LRRC63: variants seen among roughly 807,000 people sequenced by gnomAD.
LRRC63 encodes the protein leucine-rich repeat-containing protein 63.
Under a neutral mutation model 49.5 loss-of-function variants are expected in LRRC63, and 40 were observed. That is an observed-to-expected ratio of 0.81 (90% CI 0.63 to 1.05). LRRC63 has a LOEUF of 1.05. LRRC63 is among the 50% of genes least tolerant of loss of function. The pLI is 0.00. For synonymous variants in LRRC63, 191 were observed against 221.1 expected (o/e 0.86, Z 1.21); for missense variants, 636 against 663.1 (o/e 0.96, Z 0.45).
chr13:46,227,851 C>T (rs1359557710), exon 3 of LRRC63: 1 of 1,550,240 alleles, frequency 6.5e-7, no homozygotes, highest in East Asian at 2.4e-5. Flanking sequence ...GATGTTTATA[C>T]TGAAAAAAGG....
chr13:46,231,842 G>T (rs1188507314), intron 4 of LRRC63, among the ~76,000 whole-genome samples: 2 of 115,790 alleles, frequency 1.7e-5, no homozygotes, highest in Non-Finnish European at 3.4e-5. Flanking sequence ...TTGAGACAGA[G>T]TCTCGCTCTG....
chr13:46,255,229 CAG>C (rs1033001663), intron 7 of LRRC63, among the ~76,000 whole-genome samples: 9 of 152,058 alleles, frequency 5.9e-5, no homozygotes, highest in African/African-American at 2.2e-4. Context: ...TTTACAGACA[CAG>C]AAAGTGGAAT....
intron 7 of LRRC63, among the ~76,000 whole-genome samples, chr13:46,257,985 TC>T (rs1191033323): frequency 1.3e-5 from 2 of 152,174 alleles, no homozygotes; most frequent in Non-Finnish European, 2.9e-5. Context: ...TGGAGTACTT[TC>T]ACTGTTATCT....
intron 1 of LRRC63, among the ~76,000 whole-genome samples, chr13:46,212,646 A>C (rs1245192663): frequency 2.6e-5 from 4 of 152,186 alleles, no homozygotes; most frequent in Non-Finnish European, 5.9e-5. Context: ...GAGAGAGAGA[A>C]AAAAAATGTC....
intron 8 of LRRC63, among the ~76,000 whole-genome samples, 200 bp downstream of exon 8, chr13:46,262,192 A>AC (rs57726110): frequency 0.37 from 56,994 of 152,010 alleles, 10,859 homozygotes; most frequent in Middle Eastern, 0.45. Flanking sequence ...TATTTAAAGA[A>AC]AGTGCAGATG....
chr13:46,267,048 G>GCACAC, intron 9 of LRRC63, 76 bp downstream of exon 9: 1 of 1,348,554 alleles, frequency 7.4e-7, no homozygotes, highest in Non-Finnish European at 9.8e-7. Flanking sequence ...AGGCTTAGAT[G>GCACAC]ACAGTGTCAC....
intron 4 of LRRC63, among the ~76,000 whole-genome samples, 197 bp from the exon 5 acceptor site, chr13:46,233,995 A>G (rs2046835731): frequency 6.6e-6 from 1 of 152,222 alleles, no homozygotes; most frequent in African/African-American, 2.4e-5. Context: ...AAATTACAAA[A>G]CAAAACAACA....
At chr13:46,252,256 A>G (rs75373428) in intron 7 of LRRC63, among the ~76,000 whole-genome samples, 190 of 152,144 alleles carry the variant, frequency 1.2e-3, no homozygotes, top group African/African-American at 4.2e-3. Context: ...GTTGTCAGAA[A>G]TCTACCTTGC....
chr13:46,218,294 G>T (rs1361283149), intron 2 of LRRC63, among the ~76,000 whole-genome samples: 1 of 151,822 alleles, frequency 6.6e-6, no homozygotes, highest in Non-Finnish European at 1.5e-5. Context: ...CCTGTATTGG[G>T]TATATTTAGG....
intron 7 of LRRC63, among the ~76,000 whole-genome samples, chr13:46,258,062 C>T (rs9595450): frequency 0.073 from 11,034 of 151,104 alleles, 1,327 homozygotes; most frequent in African/African-American, 0.25. Flanking sequence ...AAAAGCAAGA[C>T]ACTTTCAGAG....
At chr13:46,215,330 T>C (rs560239668) in intron 2 of LRRC63, among the ~76,000 whole-genome samples, 1 of 152,340 alleles carries the variant, frequency 6.6e-6, no homozygotes, top group East Asian at 1.9e-4. Flanking sequence ...TGGTATGTCA[T>C]TGTGGTTTTG....
intron 8 of LRRC63, among the ~76,000 whole-genome samples, chr13:46,264,229 C>T (rs539391638): frequency 1.3e-3 from 193 of 152,282 alleles, no homozygotes; most frequent in Non-Finnish European, 1.9e-3. Context: ...TTTTCTTAAG[C>T]TGTCTTTCCC....
At chr13:46,225,424 A>T (rs934757602) in intron 2 of LRRC63, among the ~76,000 whole-genome samples, 8 of 152,158 alleles carry the variant, frequency 5.3e-5, no homozygotes. Flanking sequence ...TGTGTGGAGG[A>T]GGAGGAGATG....
chr13:46,246,203 G>C, intron 5 of LRRC63, among the ~76,000 whole-genome samples: 1 of 152,142 alleles, frequency 6.6e-6, no homozygotes, highest in East Asian at 1.9e-4. Flanking sequence ...AGCAGATGCT[G>C]CCATGCTTTC....
chr13:46,226,972 G>A (rs12323086), intron 2 of LRRC63, among the ~76,000 whole-genome samples: 20,267 of 152,144 alleles, frequency 0.13, 1,848 homozygotes, highest in African/African-American at 0.25. Flanking sequence ...TTTTCTGGAC[G>A]TAAGATAGAA....
chr13:46,227,272 G>T (rs1025683706), intron 2 of LRRC63, among the ~76,000 whole-genome samples: 3 of 152,116 alleles, frequency 2.0e-5, no homozygotes, highest in Admixed American at 6.5e-5. Context: ...GTTCTTCCAA[G>T]AATAGCTCTC....
intron 6 of LRRC63, among the ~76,000 whole-genome samples, chr13:46,248,246 G>T (rs1417516705): frequency 6.6e-6 from 1 of 151,966 alleles, no homozygotes. Context: ...AGCTAAAAGT[G>T]AAATGACAGA....
chr13:46,265,214 G>A (rs530904147), intron 8 of LRRC63, among the ~76,000 whole-genome samples: 1 of 152,236 alleles, frequency 6.6e-6, no homozygotes, highest in East Asian at 1.9e-4. Context: ...TGAGGGGAAG[G>A]AGGCAGCTAA....
chr13:46,247,897 TAAAC>T (rs1170401075), intron 6 of LRRC63, among the ~76,000 whole-genome samples: 2 of 152,084 alleles, frequency 1.3e-5, no homozygotes, highest in African/African-American at 4.8e-5. Context: ...CTAAGATTCT[TAAAC>T]AGTCATAAAA....
Sources: gnomAD v4.1 joint callset for allele counts (sites outside exome capture counted in the v4.1 genomes callset) on GRCh38, gnomAD v4.1.1 for gene constraint, MANE v1.5 for transcripts, NCBI Gene and HGNC (gene_info 2026-07-23, HGNC 2026-07-21) for gene names.